PDE4B: variants seen among roughly 807,000 people sequenced by gnomAD.
The protein encoded by PDE4B is phosphodiesterase 4B.
PDE4B carries 20 observed loss-of-function variants against 82.2 expected under a neutral mutation model. The observed-to-expected ratio is 0.24, with a 90% confidence interval of 0.17 to 0.35. PDE4B has a LOEUF of 0.35. Ranked by LOEUF, PDE4B falls within the 10% of genes least tolerant of loss-of-function variation. The pLI is 1.00. For missense variants in PDE4B, 655 were observed against 907.2 expected (o/e 0.72, Z 3.57); for synonymous variants, 320 against 318.9 (o/e 1.00, Z -0.04).
chr1:66,348,276 G>A (rs1205144906), intron 8 of PDE4B, among the ~76,000 whole-genome samples: 1 of 152,120 alleles, frequency 6.6e-6, no homozygotes, highest in Admixed American at 6.6e-5. Context: ...AAACAAAAGA[G>A]TGACTGAATA....
intron 1 of PDE4B, among the ~76,000 whole-genome samples, chr1:65,835,029 A>G (rs954366870): frequency 3.9e-5 from 6 of 152,200 alleles, no homozygotes; most frequent in African/African-American, 1.4e-4. Context: ...GATACAGAAC[A>G]TAACTTTGTT....
intron 4 of PDE4B, among the ~76,000 whole-genome samples, chr1:66,252,275 T>C (rs547820012): frequency 2.6e-5 from 4 of 152,118 alleles, no homozygotes; most frequent in South Asian, 4.1e-4. Context: ...TAAATATGAG[T>C]CCTCTTGATT....
intron 1 of PDE4B, among the ~76,000 whole-genome samples, chr1:65,822,723 G>A (rs2101249551): frequency 6.6e-6 from 1 of 152,242 alleles, no homozygotes; most frequent in African/African-American, 2.4e-5. Context: ...CACAGCATTT[G>A]ACCCTTCTGG....
chr1:66,215,459 A>G (rs1347526639), intron 3 of PDE4B, among the ~76,000 whole-genome samples: 1 of 152,184 alleles, frequency 6.6e-6, no homozygotes, highest in Non-Finnish European at 1.5e-5. Flanking sequence ...AGAGTGCTTC[A>G]GTAGCTCCTA....
intron 3 of PDE4B, among the ~76,000 whole-genome samples, chr1:66,109,689 CT>C: frequency 6.6e-6 from 1 of 151,626 alleles, no homozygotes; most frequent in Non-Finnish European, 1.5e-5. Context: ...AATACATTAC[CT>C]TTTAAATATT....
chr1:66,333,378 T>C lies in PDE4B; in HGVS notation c.747+758T>C, dbSNP rs1660268984. Among the ~76,000 whole-genome samples the C allele has an allele frequency of 3.3e-5, 5 of 152,208 alleles. No individual in the cohort carries two copies. In the South Asian group the frequency reaches 1.0e-3, roughly 32 times the overall value. On this transcript the variant is annotated intron_variant, in intron 8 of 16. Transcript: ENST00000341517. ...AGAATGCTAATTTATGTAGTGAGAG[T>C]TGTTGCTTTTTGTTTGTATTTTTAC...
At chr1:66,141,353 T>TATAC (rs1199907712) in intron 3 of PDE4B, among the ~76,000 whole-genome samples, 3 of 111,732 alleles carry the variant, frequency 2.7e-5, no homozygotes, top group Non-Finnish European at 6.4e-5. Context: ...TATATATATA[T>TATAC]ATATATATAT....
intron 3 of PDE4B, among the ~76,000 whole-genome samples, chr1:65,958,476 G>A (rs919412895): frequency 7.9e-5 from 12 of 151,842 alleles, no homozygotes; most frequent in African/African-American, 2.2e-4. Context: ...GATATGGTAG[G>A]CTCTTAGAGT....
chr1:66,167,507 G>T (rs1215587450), intron 3 of PDE4B, among the ~76,000 whole-genome samples: 1 of 152,140 alleles, frequency 6.6e-6, no homozygotes, highest in African/African-American at 2.4e-5. Flanking sequence ...AATGGAAATG[G>T]AGTTTCCTTT....
At chr1:66,023,391 T>C (rs370290573) in intron 3 of PDE4B, among the ~76,000 whole-genome samples, 1 of 152,184 alleles carries the variant, frequency 6.6e-6, no homozygotes, top group African/African-American at 2.4e-5. Flanking sequence ...ACACTTTGTC[T>C]CCAGGGGAAA....
Position 66,368,888 on chromosome 1 carries a change from G to A in PDE4B, c.1764G>A (p.Gln588=). The A allele has an allele frequency of 6.2e-7, 1 of 1,613,686 alleles. No homozygotes were observed. Among genetic ancestry groups the A allele is most frequent in the Non-Finnish European group, 8.5e-7 (1 of 1,179,702 alleles). The change falls in exon 16 of 17, where the codon CAG becomes CAA. Residue 588 remains glutamine (Q), a synonymous_variant. Transcript: ENST00000341517. The part of the protein sequence containing the change: ...WTDRIMEEFF[Q]QGDKERERGM... ...ACCGCATCATGGAGGAATTTTTCCA[G>A]CAGGGAGACAAAGAGCGGGAGAGGG... is the stretch of plus-strand genomic sequence containing the variant.
intron 4 of PDE4B, among the ~76,000 whole-genome samples, chr1:66,250,563 G>A (rs1427764407): frequency 6.6e-6 from 1 of 152,150 alleles, no homozygotes; most frequent in South Asian, 2.1e-4. Flanking sequence ...ATCAGAATAA[G>A]GCTTTATAGT....
intron 1 of PDE4B, among the ~76,000 whole-genome samples, chr1:65,888,585 A>T (rs1250891192): frequency 6.6e-6 from 1 of 152,024 alleles, no homozygotes; most frequent in East Asian, 1.9e-4. Context: ...TGAGCAGGGG[A>T]TGTCTTTCCA....
intron 3 of PDE4B, among the ~76,000 whole-genome samples, chr1:66,109,209 G>C (rs1471926707): frequency 2.0e-5 from 3 of 151,910 alleles, no homozygotes; most frequent in Admixed American, 6.6e-5. Flanking sequence ...AATTTTCTTT[G>C]CTTCTTTGGA....
intron 3 of PDE4B, among the ~76,000 whole-genome samples, chr1:66,161,473 T>G (rs1222158928): frequency 6.6e-6 from 1 of 152,218 alleles, no homozygotes; most frequent in Non-Finnish European, 1.5e-5. Context: ...ATTGGTTCAC[T>G]TTTTAAGAGC....
chr1:65,869,101 A>T (rs1646544844), intron 1 of PDE4B, among the ~76,000 whole-genome samples: 1 of 152,172 alleles, frequency 6.6e-6, no homozygotes, highest in African/African-American at 2.4e-5. Context: ...CTTGGAAGAT[A>T]TTGTATCCTC....
intron 3 of PDE4B, among the ~76,000 whole-genome samples, chr1:66,110,696 C>G (rs1645467530): frequency 6.6e-6 from 1 of 152,012 alleles, no homozygotes; most frequent in South Asian, 2.1e-4. Context: ...AAAAATAGTA[C>G]TACCTCATAT....
intron 1 of PDE4B, among the ~76,000 whole-genome samples, chr1:65,902,904 G>C (rs1056749873): frequency 6.6e-6 from 1 of 152,158 alleles, no homozygotes; most frequent in Non-Finnish European, 1.5e-5. Context: ...AGAGTCTGCA[G>C]ATATAGGCAC....
At chr1:65,927,150 G>T (rs1647546277) in intron 3 of PDE4B, among the ~76,000 whole-genome samples, 1 of 78,458 alleles carries the variant, frequency 1.3e-5, no homozygotes, top group Non-Finnish European at 2.8e-5. Flanking sequence ...ATGATATAGG[G>T]CACAGATCTA....
Sources: allele counts gnomAD v4.1 joint callset (sites outside exome capture counted in the v4.1 genomes callset), GRCh38; gene constraint gnomAD v4.1.1; transcripts MANE v1.5; gene names NCBI Gene and HGNC (gene_info 2026-07-23, HGNC 2026-07-21).